CEP128: variants seen among roughly 807,000 people sequenced by gnomAD.
CEP128 encodes centrosomal protein 128kDa.
Under a neutral mutation model 156.7 loss-of-function variants are expected in CEP128, and 132 were observed. The ratio of observed to expected loss-of-function variants is 0.84; its 90% CI spans 0.73 to 0.97. The LOEUF (loss-of-function observed/expected upper bound fraction) is 0.97, where lower values mean the gene tolerates loss of function less well. Among genes scored for constraint, CEP128 ranks in the 50% least tolerant of loss-of-function variants. The pLI, the probability that CEP128 is intolerant of heterozygous loss-of-function variation, is 0.00. For synonymous variants in CEP128, 469 were observed against 448.9 expected, an observed-to-expected ratio of 1.04 and a Z score of -0.57; for missense variants, 1,252 against 1,281.9, an observed-to-expected ratio of 0.98 and a Z score of 0.36.
At chr14:80,855,946 A>T (rs925746860) in intron 9 of CEP128, among the ~76,000 whole-genome samples, 2 of 152,204 alleles carry the variant, frequency 1.3e-5, no homozygotes, top group African/African-American at 4.8e-5. Flanking sequence ...GGCTTTTCTT[A>T]TGTGGTATCT....
rs1332550350 is a variant in CEP128, at chr14:80,826,160, C to CAGA, written c.1209+4980_1209+4982dup. On this transcript the variant is annotated intron_variant, in intron 13 of 24. Transcript: ENST00000555265. ...CCAATAGTCATCTTTGTGAAAAATACAGAAGTATAGGGCATTCAGTAATGT... is the reference window on the plus strand; with the variant it reads ...CCAATAGTCATCTTTGTGAAAAATACAGAAGAAGTATAGGGCATTCAGTAATGT... Among the ~76,000 whole-genome samples the CAGA allele has an allele frequency of 5.1e-5, 7 of 137,618 alleles. No homozygotes were observed. In the East Asian group the frequency reaches 1.5e-3, roughly 30 times the overall value. The allele number at this position is 137,618 out of a possible 152,430, so 90.3% of individuals were successfully genotyped here.
chr14:80,944,499 C>T (rs1886279806), upstream of CEP128, among the ~76,000 whole-genome samples: 1 of 152,130 alleles, frequency 6.6e-6, no homozygotes, highest in Admixed American at 6.5e-5. Flanking sequence ...CTGAGGCTTC[C>T]CCAGCCATGC....
At chr14:80,537,705 A>C (rs544579960) in intron 21 of CEP128, among the ~76,000 whole-genome samples, 2 of 152,318 alleles carry the variant, frequency 1.3e-5, no homozygotes, top group African/African-American at 4.8e-5. Flanking sequence ...TGCATGTTAA[A>C]ATATGAACAA....
intron 21 of CEP128, among the ~76,000 whole-genome samples, chr14:80,539,524 A>C (rs2218781): frequency 2.0e-5 from 3 of 152,174 alleles, no homozygotes; most frequent in African/African-American, 7.2e-5. Context: ...CATTATCTTC[A>C]TAAGCTGAGG....
chr14:80,642,301 A>G (rs1036683604), intron 19 of CEP128, among the ~76,000 whole-genome samples: 1 of 152,174 alleles, frequency 6.6e-6, no homozygotes, highest in Non-Finnish European at 1.5e-5. Context: ...AGCAATAACA[A>G]AAATGAATAA....
At chr14:80,600,113 G>C (rs1441693404) in intron 19 of CEP128, among the ~76,000 whole-genome samples, 1 of 152,142 alleles carries the variant, frequency 6.6e-6, no homozygotes, top group Non-Finnish European at 1.5e-5. Context: ...ACTTAAAAGA[G>C]CAGTGGGACA....
chr14:80,671,904 C>G (rs1895859109), intron 19 of CEP128, among the ~76,000 whole-genome samples: 1 of 150,412 alleles, frequency 6.6e-6, no homozygotes. Flanking sequence ...GTAGAGGGGA[C>G]AGGTGGGGTA....
intron 23 of CEP128, among the ~76,000 whole-genome samples, chr14:80,518,880 A>AT (rs1160937468): frequency 2.0e-5 from 3 of 152,222 alleles, no homozygotes; most frequent in Admixed American, 6.5e-5. Context: ...AAATAAAAAT[A>AT]TTTCAAAATG....
chr14:80,817,949 T>C (rs568557167), intron 13 of CEP128, among the ~76,000 whole-genome samples: 67 of 151,386 alleles, frequency 4.4e-4, no homozygotes, highest in African/African-American at 1.6e-3. Context: ...ATCCACAAAC[T>C]TGAAGATTAT....
intron 15 of CEP128, among the ~76,000 whole-genome samples, 198 bp from the exon 16 acceptor site, chr14:80,778,244 T>A (rs1900907389): frequency 6.6e-6 from 1 of 152,226 alleles, no homozygotes; most frequent in Middle Eastern, 3.2e-3. Flanking sequence ...ACCAAGCATT[T>A]ACGAAGTGGT....
At chr14:80,562,013 C>T (rs1890703401) in intron 20 of CEP128, among the ~76,000 whole-genome samples, 1 of 151,308 alleles carries the variant, frequency 6.6e-6, no homozygotes, top group Non-Finnish European at 1.5e-5. Context: ...CTGCAAGCTC[C>T]GCCTCCCAAG....
At chr14:80,508,021 C>T (rs950441229) in intron 23 of CEP128, among the ~76,000 whole-genome samples, 3 of 152,256 alleles carry the variant, frequency 2.0e-5, no homozygotes, top group East Asian at 3.9e-4. Flanking sequence ...TTCAAGCGAT[C>T]CTCCTGCCTC....
chr14:80,524,753 T>C (rs1393982088), intron 23 of CEP128, among the ~76,000 whole-genome samples: 1 of 152,196 alleles, frequency 6.6e-6, no homozygotes. Context: ...AATAAATGCA[T>C]TGCTAAAATG....
intron 19 of CEP128, among the ~76,000 whole-genome samples, chr14:80,678,058 ATATATG>A (rs67987510): frequency 1.3e-5 from 1 of 75,034 alleles, no homozygotes; most frequent in South Asian, 4.6e-4. Flanking sequence ...AAATATATAT[ATATATG>A]TATATATATA....
chr14:80,837,968 C>T (rs542487473), intron 11 of CEP128, among the ~76,000 whole-genome samples: 1 of 152,302 alleles, frequency 6.6e-6, no homozygotes, highest in East Asian at 1.9e-4. Flanking sequence ...TAAGTTGTAG[C>T]AGCAATCAGC....
chr14:80,521,389 C>A (rs1193100055), intron 23 of CEP128, among the ~76,000 whole-genome samples: 1 of 152,030 alleles, frequency 6.6e-6, no homozygotes. Flanking sequence ...TGATAAAGTG[C>A]AGCTCTAATA....
intron 19 of CEP128, among the ~76,000 whole-genome samples, chr14:80,664,080 A>C (rs912941222): frequency 4.6e-5 from 7 of 152,198 alleles, no homozygotes; most frequent in African/African-American, 1.7e-4. Context: ...GAAAATGTGC[A>C]CTTCTAGGGC....
chr14:80,867,125 T>C lies in CEP128; in HGVS notation c.646-4252A>G, dbSNP rs577426103. 3.3e-5 allele frequency among the ~76,000 whole-genome samples: 5 copies of C among 152,344 alleles called. No homozygotes were observed. In the South Asian group the frequency reaches 1.0e-3, roughly 32 times the overall value. On this transcript the variant is annotated intron_variant, in intron 8 of 24. Coordinates refer to ENST00000555265, the MANE Select transcript of CEP128 (RefSeq NM_152446.5). Reference sequence around the variant, plus strand: ...GGCATTGCCAAACTGTCAACCTCACTACTCTGCACTTTGAAGCCATTATTT... The same window carrying C: ...GGCATTGCCAAACTGTCAACCTCACCACTCTGCACTTTGAAGCCATTATTT...
intron 19 of CEP128, among the ~76,000 whole-genome samples, chr14:80,726,456 C>T (rs1280600256): frequency 6.6e-6 from 1 of 152,182 alleles, no homozygotes; most frequent in Non-Finnish European, 1.5e-5. Flanking sequence ...CACATATATA[C>T]ACTCCTTTTC....
Sources: allele counts gnomAD v4.1 joint callset (sites outside exome capture counted in the v4.1 genomes callset), GRCh38; gene constraint gnomAD v4.1.1; transcripts MANE v1.5; gene names NCBI Gene and HGNC (gene_info 2026-07-23, HGNC 2026-07-21).